The following CNTN5 variants were observed in gnomAD, a reference collection of about 807,000 sequenced individuals.
CNTN5 encodes the protein contactin 5, also known as contactin-5.
Under a neutral mutation model 129.1 loss-of-function variants are expected in CNTN5, and 77 were observed. The observed-to-expected ratio is 0.60, with a 90% CI of 0.50 to 0.72. CNTN5 has a LOEUF of 0.72. Among genes scored for constraint, CNTN5 ranks in the 30% least tolerant of loss-of-function variants. The pLI is 0.00. For synonymous variants in CNTN5, 509 were observed against 465.6 expected (o/e 1.09, Z -1.20); for missense variants, 1,478 against 1,328.8 (o/e 1.11, Z -1.75).
chr11:100,156,806 G>T lies in CNTN5; in HGVS notation c.1581-34320G>T, dbSNP rs1458068531. Among the ~76,000 whole-genome samples, 5 of 152,210 alleles carry T rather than the reference G, an allele frequency of 3.3e-5. No individual in the cohort carries two copies. The East Asian group carries it at 9.7e-4, about 29-fold the overall frequency. On this transcript the variant is annotated intron_variant, in intron 13 of 24. Transcript: ENST00000524871. ...GCCTAGAGGTATTTATAGATTCTCT[G>T]ATGGTAGTTTGTGTTTCTGTGGGAT... is the stretch of plus-strand genomic sequence containing the variant.
At chr11:100,019,603 CTT>C (rs1186409218) in intron 9 of CNTN5, among the ~76,000 whole-genome samples, 1 of 151,872 alleles carries the variant, frequency 6.6e-6, no homozygotes, top group East Asian at 1.9e-4. Context: ...TTGATGGACT[CTT>C]AAGCTGATTG....
chr11:100,264,715 T>C (rs758197944), intron 17 of CNTN5, among the ~76,000 whole-genome samples: 35 of 152,200 alleles, frequency 2.3e-4, no homozygotes, highest in Non-Finnish European at 8.8e-5. Context: ...ATCTTTATAG[T>C]AGAATGATTT....
chr11:99,233,727 C>A (rs943073922), intron 1 of CNTN5, among the ~76,000 whole-genome samples: 19 of 152,098 alleles, frequency 1.2e-4, no homozygotes, highest in African/African-American at 4.6e-4. Flanking sequence ...GTGGGTGGAT[C>A]ACGAGGTCAG....
intron 3 of CNTN5, among the ~76,000 whole-genome samples, chr11:99,684,377 A>G (rs1361542269): frequency 6.6e-6 from 1 of 151,938 alleles, no homozygotes; most frequent in African/African-American, 2.4e-5. Flanking sequence ...TACATGTATT[A>G]TGATAATACT....
chr11:100,221,282 G>A (rs140615903), intron 15 of CNTN5, among the ~76,000 whole-genome samples: 2 of 152,300 alleles, frequency 1.3e-5, no homozygotes, highest in African/African-American at 4.8e-5. Flanking sequence ...AGAATGACAG[G>A]ATTAAGTTGC....
In CNTN5 at chr11:100,290,030, C is replaced by T. The variant is rs1440098187; in HGVS notation, c.2315-7595C>T. ...AATTGCTTCAAAGAGAATAAAATAC[C>T]TAGGAATCCAACTTACAAGGGATGT... On this transcript the variant is annotated intron_variant, in intron 18 of 24. Coordinates refer to ENST00000524871, the MANE Select transcript of CNTN5 (RefSeq NM_014361.4). Among the ~76,000 whole-genome samples the T allele has an allele frequency of 2.7e-5, 4 of 149,612 alleles. No homozygotes were observed. In the East Asian group the frequency reaches 7.8e-4, roughly 29 times the overall value.
chr11:99,554,828 A>C (rs1591271309), intron 2 of CNTN5, among the ~76,000 whole-genome samples: 1 of 152,066 alleles, frequency 6.6e-6, no homozygotes, highest in Admixed American at 6.6e-5. Flanking sequence ...AAAGCAGTGT[A>C]TAAATAACCA....
rs1168445513 is a variant in CNTN5 at position 99,646,559 on chromosome 11, C to T, written c.55+90290C>T. On this transcript the variant is annotated intron_variant, in intron 3 of 24. Transcript: ENST00000524871. Reference sequence around the variant, plus strand: ...AATCCACTCACACACGTTTGGCTGACTGGTCAATATGACTATTTAGAACAT... The same window carrying T: ...AATCCACTCACACACGTTTGGCTGATTGGTCAATATGACTATTTAGAACAT... 3.3e-5 allele frequency among the ~76,000 whole-genome samples: 5 copies of T among 152,270 alleles called. No individual in the cohort carries two copies. The East Asian group carries it at 9.7e-4, about 29-fold the overall frequency.
intron 18 of CNTN5, among the ~76,000 whole-genome samples, chr11:100,285,053 A>AT (rs1301586596): frequency 6.6e-6 from 1 of 152,174 alleles, no homozygotes; most frequent in Admixed American, 6.5e-5. Flanking sequence ...ATTAAATAAG[A>AT]TTTTTTAAAT....
intron 16 of CNTN5, among the ~76,000 whole-genome samples, chr11:100,244,322 G>C: frequency 6.6e-6 from 1 of 152,082 alleles, no homozygotes; most frequent in East Asian, 1.9e-4. Flanking sequence ...CAGAGCAACT[G>C]TTTTCTTGGA....
intron 13 of CNTN5, among the ~76,000 whole-genome samples, chr11:100,150,413 C>A (rs1947014664): frequency 6.6e-6 from 1 of 150,598 alleles, no homozygotes; most frequent in Non-Finnish European, 1.5e-5. Context: ...AAATTTTTTT[C>A]TTTAATGTGT....
intron 3 of CNTN5, among the ~76,000 whole-genome samples, chr11:99,760,632 C>A (rs890568534): frequency 6.6e-6 from 1 of 151,972 alleles, no homozygotes; most frequent in African/African-American, 2.4e-5. Flanking sequence ...AAAACTGCTG[C>A]CTAATAAAAT....
At chr11:99,088,004 T>A (rs1274731544) in intron 1 of CNTN5, among the ~76,000 whole-genome samples, 1 of 152,194 alleles carries the variant, frequency 6.6e-6, no homozygotes, top group African/African-American at 2.4e-5. Context: ...CTAAATTTTA[T>A]CTTGCACTAG....
intron 2 of CNTN5, among the ~76,000 whole-genome samples, chr11:99,492,201 T>C (rs920120019): frequency 6.6e-6 from 1 of 152,166 alleles, no homozygotes; most frequent in African/African-American, 2.4e-5. Context: ...TTGGCTGACA[T>C]TTATGTGACG....
Position 99,114,386 on chromosome 11 carries a change from GTCT to G in CNTN5, c.-210+93126_-210+93128del, listed in dbSNP as rs769612958. The stretch of plus-strand genomic sequence containing the variant: ...GACAACCTTTTGGAAATGCTCAGAG[GTCT>G]TCTTCTTCTCCTTTTCCTTCCTTCT... On this transcript the variant is annotated intron_variant, in intron 1 of 24. Coordinates refer to ENST00000524871, the MANE Select transcript of CNTN5 (RefSeq NM_014361.4). Among the ~76,000 whole-genome samples, 19 of 151,868 alleles carry G rather than the reference GTCT, an allele frequency of 1.3e-4. 1 individual carries two copies. The South Asian group carries it at 2.9e-3, about 23-fold the overall frequency.
At chr11:99,042,246 C>CA (rs1427633687) in intron 1 of CNTN5, among the ~76,000 whole-genome samples, 9 of 151,232 alleles carry the variant, frequency 6.0e-5, no homozygotes, top group African/African-American at 2.2e-4. Context: ...TTCTGGTGTA[C>CA]ATGTGCAGAA....
At chr11:99,288,235 G>T (rs1351280720) in intron 1 of CNTN5, among the ~76,000 whole-genome samples, 3 of 151,578 alleles carry the variant, frequency 2.0e-5, no homozygotes, top group African/African-American at 7.3e-5. Context: ...TTTTTTACAA[G>T]ATTATATTAT....
intron 3 of CNTN5, among the ~76,000 whole-genome samples, chr11:99,810,114 A>G (rs1241523845): frequency 6.6e-6 from 1 of 152,160 alleles, no homozygotes; most frequent in Non-Finnish European, 1.5e-5. Flanking sequence ...ATGAAAAAAT[A>G]CAAAACAAGA....
intron 3 of CNTN5, among the ~76,000 whole-genome samples, chr11:99,769,683 G>A (rs987361540): frequency 3.9e-5 from 6 of 152,042 alleles, no homozygotes; most frequent in African/African-American, 1.2e-4. Flanking sequence ...GTGTGGTGGT[G>A]CTTGCCTGTA....
Sources: allele counts gnomAD v4.1 joint callset (sites outside exome capture counted in the v4.1 genomes callset), GRCh38; gene constraint gnomAD v4.1.1; transcripts MANE v1.5; gene names NCBI Gene and HGNC (gene_info 2026-07-23, HGNC 2026-07-21).